MDGA2: variants seen among roughly 807,000 people sequenced by gnomAD.
MDGA2 encodes the protein MAM domain-containing glycosylphosphatidylinositol anchor protein 2.
MDGA2 carries 40 observed loss-of-function variants against 117.8 expected under a neutral mutation model. The ratio of observed to expected loss-of-function variants is 0.34; its 90% CI spans 0.26 to 0.44. MDGA2 has a LOEUF of 0.44. Ranked by LOEUF, MDGA2 falls within the 20% of genes least tolerant of loss-of-function variation. MDGA2 has a pLI of 1.00. For missense variants in MDGA2, 1,123 were observed against 1,250.6 expected (o/e 0.90, Z 1.54); for synonymous variants, 452 against 439.0 (o/e 1.03, Z -0.37).
rs114980167 is a variant in MDGA2, at chr14:47,149,608, T to C, written c.596-5334A>G. Among the ~76,000 whole-genome samples, 189 of 152,294 alleles carry C rather than the reference T, an allele frequency of 1.2e-3. 1 individual carries two copies. Among genetic ancestry groups the C allele is most frequent in the African/African-American group, 4.2e-3 (176 of 41,580 alleles). Reference sequence around the variant, plus strand: ...CTTATATGACATATTCACTTTAGCATTCCCACTTCTCTGAGTCATTTGGTC... The same window carrying C: ...CTTATATGACATATTCACTTTAGCACTCCCACTTCTCTGAGTCATTTGGTC... On this transcript the variant is annotated intron_variant, in intron 3 of 16. Coordinates refer to ENST00000399232, the MANE Select transcript of MDGA2 (RefSeq NM_001113498.3).
intron 10 of MDGA2, among the ~76,000 whole-genome samples, chr14:46,898,537 C>T (rs1228726834): frequency 6.6e-6 from 1 of 151,946 alleles, no homozygotes; most frequent in Non-Finnish European, 1.5e-5. Flanking sequence ...ACTGAGATAT[C>T]CAAGTACAGG....
At chr14:47,333,261 C>A (rs886644677) in intron 1 of MDGA2, among the ~76,000 whole-genome samples, 1 of 151,966 alleles carries the variant, frequency 6.6e-6, no homozygotes, top group Non-Finnish European at 1.5e-5. Flanking sequence ...TTCCCACCAA[C>A]AATGTAAAAG....
intron 2 of MDGA2, among the ~76,000 whole-genome samples, chr14:47,242,943 G>T (rs1285251319): frequency 1.3e-5 from 2 of 151,840 alleles, no homozygotes; most frequent in Non-Finnish European, 2.9e-5. Flanking sequence ...TTTATATTTA[G>T]TTCAGGGATT....
chr14:47,010,473 T>C (rs1278190861), intron 8 of MDGA2, among the ~76,000 whole-genome samples: 3 of 152,080 alleles, frequency 2.0e-5, no homozygotes, highest in Non-Finnish European at 4.4e-5. Flanking sequence ...TTCTGACATA[T>C]TCCAATAAAG....
intron 15 of MDGA2, among the ~76,000 whole-genome samples, chr14:46,853,508 C>G (rs1203292273): frequency 6.6e-6 from 1 of 151,376 alleles, no homozygotes; most frequent in Non-Finnish European, 1.5e-5. Context: ...ATCTTAAAAG[C>G]AAACAGAGAA....
intron 1 of MDGA2, among the ~76,000 whole-genome samples, chr14:47,366,306 GA>G (rs1490184430): frequency 6.6e-6 from 1 of 151,664 alleles, no homozygotes; most frequent in Non-Finnish European, 1.5e-5. Flanking sequence ...AGAGTAGGAA[GA>G]ATTTTAAAAT....
At chr14:47,583,992 C>T (rs1896275752) in intron 1 of MDGA2, among the ~76,000 whole-genome samples, 1 of 151,770 alleles carries the variant, frequency 6.6e-6, no homozygotes, top group Admixed American at 6.6e-5. Context: ...TACTCTATCT[C>T]CTGCATTTTC....
At chr14:46,881,301 T>C (rs879892121) in intron 11 of MDGA2, among the ~76,000 whole-genome samples, 1 of 152,078 alleles carries the variant, frequency 6.6e-6, no homozygotes, top group Admixed American at 6.6e-5. Flanking sequence ...TACAACATTC[T>C]CGAAAAGGAG....
At chr14:47,371,934 T>A (rs562897314) in intron 1 of MDGA2, among the ~76,000 whole-genome samples, 10 of 151,870 alleles carry the variant, frequency 6.6e-5, no homozygotes, top group African/African-American at 2.4e-4. Context: ...TATACTGTAA[T>A]CTTTCAATTA....
chr14:47,272,785 G>A (rs2031655), intron 2 of MDGA2, among the ~76,000 whole-genome samples: 4,765 of 152,164 alleles, frequency 0.031, 172 homozygotes, highest in East Asian at 0.18. Flanking sequence ...GTGTTTTCAC[G>A]GGGTTAACCT....
chr14:47,219,262 C>T (rs1886211530), intron 2 of MDGA2, among the ~76,000 whole-genome samples: 1 of 151,896 alleles, frequency 6.6e-6, no homozygotes, highest in African/African-American at 2.4e-5. Context: ...AATGTATGAG[C>T]TAATGGCATA....
At chr14:47,626,488 T>C (rs1566547551) in intron 1 of MDGA2, 1 of 152,928 alleles carries the variant, frequency 6.5e-6, no homozygotes, top group African/African-American at 2.4e-5. Flanking sequence ...GCCGCTGCAC[T>C]GTGGGAGCCC....
At chr14:47,271,438 A>C (rs1410368446) in intron 2 of MDGA2, among the ~76,000 whole-genome samples, 1 of 152,176 alleles carries the variant, frequency 6.6e-6, no homozygotes, top group Non-Finnish European at 1.5e-5. Flanking sequence ...AAAATCTAAA[A>C]TGTGGTTCCA....
intron 5 of MDGA2, among the ~76,000 whole-genome samples, chr14:47,118,501 T>C (rs1009368567): frequency 9.2e-5 from 14 of 152,330 alleles, no homozygotes; most frequent in African/African-American, 1.4e-4. Context: ...GCTTTCAAAT[T>C]CTAGTTCTGG....
chr14:47,077,919 T>A (rs746497091), intron 6 of MDGA2, among the ~76,000 whole-genome samples: 1 of 152,028 alleles, frequency 6.6e-6, no homozygotes, highest in Non-Finnish European at 1.5e-5. Flanking sequence ...ATGAATAATA[T>A]CTTTGAAAAC....
chr14:47,106,462 C>A (rs963908432), intron 5 of MDGA2, among the ~76,000 whole-genome samples: 2 of 151,914 alleles, frequency 1.3e-5, no homozygotes, highest in African/African-American at 4.8e-5. Flanking sequence ...CTACATGTGC[C>A]GGAAATCTGG....
At chr14:47,022,149 A>G (rs980902046) in intron 8 of MDGA2, among the ~76,000 whole-genome samples, 3 of 152,160 alleles carry the variant, frequency 2.0e-5, no homozygotes, top group African/African-American at 7.2e-5. Flanking sequence ...CAGTGACACA[A>G]TAACGGCTCA....
intron 4 of MDGA2, among the ~76,000 whole-genome samples, chr14:47,143,514 T>C (rs920644757): frequency 6.6e-6 from 1 of 152,188 alleles, no homozygotes; most frequent in Admixed American, 6.5e-5. Flanking sequence ...GCTCACTTTA[T>C]GTAAAATTAA....
rs192886368 is a variant in MDGA2 at position 46,876,406 on chromosome 14, C to T, written c.2437+1083G>A. ...AAGAATATCTGATAGATAATGATAA[C>T]GCAATGAGCTGTACAAACTTTTCAA... On this transcript the variant is annotated intron_variant, in intron 12 of 16. Coordinates refer to ENST00000399232, the MANE Select transcript of MDGA2 (RefSeq NM_001113498.3). Among the ~76,000 whole-genome samples, 346 of 151,370 alleles carry T rather than the reference C, an allele frequency of 2.3e-3. 3 individuals are homozygous for T. The highest frequency in any genetic ancestry group is 7.8e-3 in the African/African-American group (325 of 41,430).
Sources: gnomAD v4.1 joint callset for allele counts (sites outside exome capture counted in the v4.1 genomes callset) on GRCh38, gnomAD v4.1.1 for gene constraint, MANE v1.5 for transcripts, NCBI Gene and HGNC (gene_info 2026-07-23, HGNC 2026-07-21) for gene names.